Variants in SWAP70 observed in about 807,000 individuals in gnomAD.
SWAP70 encodes the protein switching B cell complex subunit SWAP70.
A neutral mutation model predicts 80.2 loss-of-function variants in SWAP70; 34 were observed. That is an observed-to-expected ratio of 0.42 (90% CI 0.32 to 0.56). SWAP70 has a LOEUF of 0.56. Among genes scored for constraint, SWAP70 ranks in the 20% least tolerant of loss-of-function variants. The probability of loss-of-function intolerance (pLI) is 0.09; values close to 1 mark genes in which losing one functional copy is unlikely to be tolerated. For missense variants in SWAP70, 578 were observed against 690.7 expected, an observed-to-expected ratio of 0.84 and a Z score of 1.83; for synonymous variants, 239 against 238.5, an observed-to-expected ratio of 1.00 and a Z score of -0.02.
In SWAP70 at chr11:9,749,130, G is replaced by A; in HGVS notation, c.1598G>A (p.Ser533Asn). Residue 533 changes from serine (S) to asparagine (N), a missense_variant, in exon 11 of 12, where the codon AGC becomes AAC. Physicochemically the swap from Ser to Asn is conservative, Grantham distance 46 (BLOSUM62 1). Coordinates refer to ENST00000318950, the MANE Select transcript of SWAP70 (RefSeq NM_015055.4). ...GAGATGGCAACTAATAAGACCAAGA[G>A]CTGGAAGGACAAAGTGGCCCATCAT... is the stretch of plus-strand genomic sequence containing the variant. ...KLEMATNKTK[S>N]WKDKVAHHEG... is the part of the protein sequence containing the mutation. 1 of 1,613,222 alleles carries A rather than the reference G, an allele frequency of 6.2e-7. No individual in the cohort carries two copies. The highest frequency in any genetic ancestry group is 8.5e-7 in the Non-Finnish European group (1 of 1,179,476).
chr11:9,737,999 C>G (rs1204631515), intron 7 of SWAP70, among the ~76,000 whole-genome samples: 3 of 152,224 alleles, frequency 2.0e-5, no homozygotes, highest in African/African-American at 7.2e-5. Context: ...TCAGGCTTAT[C>G]AATAGTCTTT....
chr11:9,671,326 AT>A (rs1324214833), intron 1 of SWAP70, among the ~76,000 whole-genome samples: 1 of 113,640 alleles, frequency 8.8e-6, no homozygotes, highest in African/African-American at 3.7e-5. Flanking sequence ...AAATATAAAA[AT>A]ATATAAATAT....
At chr11:9,699,877 T>TA (rs1410358131) in intron 2 of SWAP70, among the ~76,000 whole-genome samples, 1 of 150,442 alleles carries the variant, frequency 6.6e-6, no homozygotes, top group Non-Finnish European at 1.5e-5. Flanking sequence ...TATATATATA[T>TA]ATATATATAT....
chr11:9,670,348 A>G (rs575056109), intron 1 of SWAP70, among the ~76,000 whole-genome samples: 16 of 152,308 alleles, frequency 1.1e-4, no homozygotes, highest in Admixed American at 8.5e-4. Context: ...TTTTTAAATA[A>G]TGGTTTTTAA....
At chr11:9,695,418 C>T (rs540896924) in intron 2 of SWAP70, among the ~76,000 whole-genome samples, 30 of 152,200 alleles carry the variant, frequency 2.0e-4, no homozygotes, top group South Asian at 6.2e-4. Context: ...GGTACATATA[C>T]GCCATGGAAT....
chr11:9,667,570 T>C (rs1283804922), intron 1 of SWAP70, among the ~76,000 whole-genome samples: 1 of 151,756 alleles, frequency 6.6e-6, no homozygotes, highest in Non-Finnish European at 1.5e-5. Context: ...ATAATTCTTT[T>C]TCTCTTTTTT....
At chr11:9,741,285 C>T (rs968936215) in intron 9 of SWAP70, 1 of 152,022 alleles carries the variant, frequency 6.6e-6, no homozygotes, top group East Asian at 1.9e-4. Flanking sequence ...TTGTTTTGGA[C>T]ATTTAGATTT....
rs181946058 is a variant in SWAP70, at chr11:9,734,083, C to T, written c.1080+1373C>T. ...AGTTGAGATCCTCTTGCCTTAGCCTCCCAAATCCAAAAGTCTGAAATTGGA... is the reference window on the plus strand; with the variant it reads ...AGTTGAGATCCTCTTGCCTTAGCCTTCCAAATCCAAAAGTCTGAAATTGGA... On this transcript the variant is annotated intron_variant, in intron 7 of 11. Coordinates refer to ENST00000318950, the MANE Select transcript of SWAP70 (RefSeq NM_015055.4). Among the ~76,000 whole-genome samples the T allele has an allele frequency of 7.8e-3, 1,187 of 152,266 alleles. 14 individuals carry two copies. Among genetic ancestry groups the T allele is most frequent in the Middle Eastern group, 0.034 (10 of 294 alleles).
At position 9,749,857 on chromosome 11, in the gene SWAP70, C is replaced by G. The variant is rs778794027; in HGVS notation, c.1652-7C>G. On this transcript the variant is annotated splice_region_variant and splice_polypyrimidine_tract_variant and intron_variant, in intron 11 of 11. Coordinates refer to ENST00000318950, the MANE Select transcript of SWAP70 (RefSeq NM_015055.4). ...CTTCCTGTATTTAAAGCATGTTTGCCTCTTAGGTTCAAAGAACCCTCACCT... is the reference window on the plus strand; with the variant it reads ...CTTCCTGTATTTAAAGCATGTTTGCGTCTTAGGTTCAAAGAACCCTCACCT... The G allele has an allele frequency of 8.2e-6, 13 of 1,589,254 alleles. No individual in the cohort carries two copies. In the South Asian group the frequency reaches 1.3e-4, roughly 16 times the overall value.
intron 2 of SWAP70, among the ~76,000 whole-genome samples, chr11:9,694,663 A>G (rs1850733533): frequency 6.6e-6 from 1 of 152,230 alleles, no homozygotes; most frequent in Non-Finnish European, 1.5e-5. Flanking sequence ...ATATGAACAG[A>G]CACTTCTCAA....
chr11:9,745,783 T>C (rs1003702619), intron 9 of SWAP70, among the ~76,000 whole-genome samples: 3 of 152,224 alleles, frequency 2.0e-5, no homozygotes, highest in South Asian at 4.1e-4. Flanking sequence ...AGAAAAAGAG[T>C]GAGGCACTGA....
Position 9,724,680 on chromosome 11 carries a change from T to G in SWAP70, c.437T>G (p.Leu146Arg). Residue 146 changes from leucine (L) to arginine (R), a missense_variant, in exon 4 of 12, where the codon CTT becomes CGT. Leu to Arg is a moderately radical substitution (Grantham distance 102, BLOSUM62 -2). Transcript: ENST00000318950. ...TAGATTGAATACCTGCTTAAGAAGC[T>G]TACAGAAGCTATGGGAGGAGGTTGG... is the stretch of plus-strand genomic sequence containing the variant. Reference protein sequence around the residue: ...SEEIEYLLKKLTEAMGGGWQQ... With the variant: ...SEEIEYLLKKRTEAMGGGWQQ... 1 of 1,613,518 alleles carries G rather than the reference T, an allele frequency of 6.2e-7. No individual in the cohort carries two copies. Among genetic ancestry groups the G allele is most frequent in the Non-Finnish European group, 8.5e-7 (1 of 1,179,526 alleles).
Position 9,696,133 on chromosome 11 carries a change from T to C in SWAP70, c.240+1847T>C, listed in dbSNP as rs78137553. On this transcript the variant is annotated intron_variant, in intron 2 of 11. Coordinates refer to ENST00000318950, the MANE Select transcript of SWAP70 (RefSeq NM_015055.4). ...ATCCCAGACTTTTCAGGGTACCACTTAGATATTTCCTCTGGGATATGTTCT... is the reference window on the plus strand; with the variant it reads ...ATCCCAGACTTTTCAGGGTACCACTCAGATATTTCCTCTGGGATATGTTCT... Among the ~76,000 whole-genome samples the C allele has an allele frequency of 5.1e-3, 774 of 152,294 alleles. 8 individuals carry two copies. Among genetic ancestry groups the C allele is most frequent in the African/African-American group, 0.018 (741 of 41,566 alleles).
chr11:9,721,465 TTC>T (rs1332114350), intron 3 of SWAP70, among the ~76,000 whole-genome samples: 1 of 139,806 alleles, frequency 7.2e-6, no homozygotes, highest in Non-Finnish European at 1.5e-5. Context: ...TATTTTTTCT[TTC>T]TTTCTTTTTT....
At position 9,740,298 on chromosome 11, in the gene SWAP70, G is replaced by A; in HGVS notation, c.1306G>A (p.Glu436Lys). 1 of 1,614,250 alleles carries A rather than the reference G, an allele frequency of 6.2e-7. No homozygotes were observed. ...AAAGCTGCAGGAGGCTCTTGAAGAT[G>A]AGAGACAGGCCCGGCAAGATGAAGA... ...YLKLQEALED[E>K]RQARQDEETV... Residue 436 changes from glutamate (E) to lysine (K), a missense_variant, in exon 9 of 12, where the codon GAG becomes AAG. Physicochemically the swap from Glu to Lys is moderately conservative, Grantham distance 56 (BLOSUM62 1). Coordinates refer to ENST00000318950, the MANE Select transcript of SWAP70 (RefSeq NM_015055.4).
At position 9,712,800 on chromosome 11, in the gene SWAP70, G is replaced by A. The variant is rs569814328; in HGVS notation, c.241-666G>A. Among the ~76,000 whole-genome samples, 55 of 149,244 alleles carry A rather than the reference G, an allele frequency of 3.7e-4. 1 individual carries two copies. Among genetic ancestry groups the A allele is most frequent in the African/African-American group, 1.1e-3 (45 of 40,430 alleles). On this transcript the variant is annotated intron_variant, in intron 2 of 11. Transcript: ENST00000318950. ...GTTGCCCAGGCTGGAGTGCAATGGCGTGATCTCAGCTCACTGCAACCTCCG... is the reference window on the plus strand; with the variant it reads ...GTTGCCCAGGCTGGAGTGCAATGGCATGATCTCAGCTCACTGCAACCTCCG...
At chr11:9,702,406 GTTTTGTTTTTTT>G (rs1182556997) in intron 2 of SWAP70, among the ~76,000 whole-genome samples, 10 of 127,134 alleles carry the variant, frequency 7.9e-5, no homozygotes, top group African/African-American at 2.4e-4. Context: ...TGTGGGTTTT[GTTTTGTTTTTTT>G]TTTTGTTTTC....
chr11:9,677,286 G>T (rs981008566), intron 1 of SWAP70, among the ~76,000 whole-genome samples: 1 of 151,950 alleles, frequency 6.6e-6, no homozygotes, highest in Non-Finnish European at 1.5e-5. Context: ...CAGTGGTTTT[G>T]CTGAAAGATG....
At chr11:9,713,208 G>A (rs1269160351) in intron 2 of SWAP70, among the ~76,000 whole-genome samples, 1 of 152,200 alleles carries the variant, frequency 6.6e-6, no homozygotes, top group Admixed American at 6.5e-5. Flanking sequence ...ACATGAAACG[G>A]TAACTATTTG....
Sources: allele counts gnomAD v4.1 joint callset (sites outside exome capture counted in the v4.1 genomes callset), GRCh38; gene constraint gnomAD v4.1.1; transcripts MANE v1.5; gene names NCBI Gene and HGNC (gene_info 2026-07-23, HGNC 2026-07-21).